Variants in AMZ1 observed in about 807,000 individuals in gnomAD.
AMZ1 encodes archaemetzincin-1.
In AMZ1, 39 loss-of-function variants were observed where a neutral mutation model predicts 29.9. The ratio of observed to expected loss-of-function variants is 1.30; its 90% CI spans 1.01 to 1.70. AMZ1 has a LOEUF of 1.70. Among genes scored for constraint, AMZ1 ranks in the 40% most tolerant of loss-of-function variants. The pLI, the probability that AMZ1 is intolerant of heterozygous loss-of-function variation, is 0.00. For missense variants in AMZ1, 1,041 were observed against 680.6 expected, an observed-to-expected ratio of 1.53 and a Z score of -5.89; for synonymous variants, 458 against 304.0, an observed-to-expected ratio of 1.51 and a Z score of -5.27.
chr7:2,733,327 A>T (rs1425615203), intron 4 of AMZ1: 1 of 761,574 alleles, frequency 1.3e-6, no homozygotes, highest in Non-Finnish European at 2.3e-6. Context: ...TATTCGTGGT[A>T]ATGTGACAGA....
chr7:2,707,440 G>A (rs1013098937), intron 3 of AMZ1, among the ~76,000 whole-genome samples: 6 of 152,056 alleles, frequency 3.9e-5, no homozygotes, highest in South Asian at 2.1e-4. Flanking sequence ...TCCTGGGCCC[G>A]TGGTGGCTGC....
intron 4 of AMZ1, among the ~76,000 whole-genome samples, chr7:2,757,593 G>A (rs1033038155): frequency 2.0e-5 from 3 of 152,336 alleles, no homozygotes; most frequent in African/African-American, 7.2e-5. Context: ...AGCAGAGCAC[G>A]TGGCGAACTC....
intron 1 of AMZ1, among the ~76,000 whole-genome samples, chr7:2,698,516 C>T (rs1039205668): frequency 9.9e-5 from 15 of 151,720 alleles, no homozygotes; most frequent in Non-Finnish European, 1.9e-4. Context: ...CTAGCCTGGG[C>T]GACACAGCAA....
At chr7:2,688,812 G>A (rs1268683148) in intron 1 of AMZ1, among the ~76,000 whole-genome samples, 1 of 152,240 alleles carries the variant, frequency 6.6e-6, no homozygotes, top group African/African-American at 2.4e-5. Context: ...GGAGACTGAG[G>A]GAGAAGGCTG....
At chr7:2,680,258 CA>C (rs1207203260) in intron 1 of AMZ1, among the ~76,000 whole-genome samples, 1 of 152,082 alleles carries the variant, frequency 6.6e-6, no homozygotes, top group African/African-American at 2.4e-5. Context: ...GCGGTCTCAC[CA>C]GGGGGCTGCT....
chr7:2,687,172 C>A (rs528730307), upstream of AMZ1, among the ~76,000 whole-genome samples: 23 of 152,086 alleles, frequency 1.5e-4, no homozygotes, highest in South Asian at 4.4e-3. Context: ...ATTAAAAATA[C>A]AAAAATTAGC....
At position 2,700,962 on chromosome 7, in the gene AMZ1, G is replaced by A. The variant is rs560557432; in HGVS notation, c.304+207G>A. Reference sequence around the variant, plus strand: ...CCCCATCCTGACACGATGCTCAGACGGCCCAGGCTCTGGGACTGGTCCACA... The same window carrying A: ...CCCCATCCTGACACGATGCTCAGACAGCCCAGGCTCTGGGACTGGTCCACA... On this transcript the variant is annotated intron_variant, in intron 2 of 6. Coordinates refer to ENST00000683327, the MANE Select transcript of AMZ1 (RefSeq NM_001384743.1). Among the ~76,000 whole-genome samples, 3 of 152,186 alleles carry A rather than the reference G, an allele frequency of 2.0e-5. No individual in the cohort carries two copies. The East Asian group carries it at 5.8e-4, about 29-fold the overall frequency.
chr7:2,748,870 C>CA (rs1160307077), intron 4 of AMZ1, among the ~76,000 whole-genome samples: 9 of 152,054 alleles, frequency 5.9e-5, no homozygotes, highest in Non-Finnish European at 1.5e-5. Flanking sequence ...AGACACTTCT[C>CA]AAAAAAAGAC....
chr7:2,702,987 TTC>T (rs1250829557), intron 3 of AMZ1, 98 bp downstream of exon 3: 6 of 1,420,070 alleles, frequency 4.2e-6, no homozygotes, highest in Middle Eastern at 2.1e-4. Context: ...GAACCTTTTC[TTC>T]CTTTTTGCTG....
At chr7:2,710,121 G>A (rs893098264) in intron 6 of AMZ1, among the ~76,000 whole-genome samples, 34 of 152,214 alleles carry the variant, frequency 2.2e-4, no homozygotes, top group Admixed American at 4.6e-4. Context: ...CCCAGCCGGC[G>A]GGTGGCACGG....
chr7:2,758,892 C>T (rs938846015), intron 4 of AMZ1, among the ~76,000 whole-genome samples: 26 of 152,234 alleles, frequency 1.7e-4, no homozygotes, highest in Admixed American at 3.9e-4. Flanking sequence ...TGCCTATAAT[C>T]CCAGCGCTCT....
intron 4 of AMZ1, among the ~76,000 whole-genome samples, chr7:2,741,764 G>A (rs563289947): frequency 6.6e-6 from 1 of 151,670 alleles, no homozygotes; most frequent in Non-Finnish European, 1.5e-5. Context: ...CAGAGGGTAT[G>A]TCCTAAGAAT....
chr7:2,708,928 C>T, intron 4 of AMZ1, 147 bp from the exon 5 acceptor site: 1 of 1,275,562 alleles, frequency 7.8e-7, no homozygotes, highest in Non-Finnish European at 1.1e-6. Context: ...CAGGGCCCAA[C>T]TTCATGTGGG....
rs969162664 is a variant in AMZ1 at position 2,709,956 on chromosome 7, G to C, written c.948+140G>C. ...GGGTTCCAGGCAGTGCAGAGCCCTG[G>C]GACCTGCGCTGGGGTTGAGCTCCAT... is the stretch of plus-strand genomic sequence containing the variant. On this transcript the variant is annotated intron_variant, in intron 6 of 6. Coordinates refer to ENST00000683327, the MANE Select transcript of AMZ1 (RefSeq NM_001384743.1). 3 of 1,200,668 alleles carry C rather than the reference G, an allele frequency of 2.5e-6. No individual in the cohort carries two copies. In the African/African-American group the frequency reaches 4.7e-5, roughly 19 times the overall value. 74.4% of individuals were successfully genotyped at this position (1,200,668 alleles called of 1,614,324 possible).
At chr7:2,708,741 G>C (rs1269806646) in intron 4 of AMZ1, 25 bp downstream of exon 4, 3 of 1,611,450 alleles carry the variant, frequency 1.9e-6, no homozygotes, top group Non-Finnish European at 2.5e-6. Flanking sequence ...CAGCAGCTGT[G>C]CGTGGGGGGT....
At chr7:2,754,271 C>T (rs916102319) in intron 4 of AMZ1, among the ~76,000 whole-genome samples, 5 of 152,158 alleles carry the variant, frequency 3.3e-5, no homozygotes, top group Non-Finnish European at 4.4e-5. Flanking sequence ...TATGTGCCAT[C>T]GGCATGTCCT....
chr7:2,722,072 G>A (rs532030448), downstream of AMZ1, among the ~76,000 whole-genome samples: 5 of 152,112 alleles, frequency 3.3e-5, no homozygotes, highest in African/African-American at 9.7e-5. Context: ...AGGCACAGGC[G>A]CTAAAGCCAG....
At chr7:2,696,004 CTTG>C (rs1787695298) in intron 1 of AMZ1, among the ~76,000 whole-genome samples, 1 of 113,000 alleles carries the variant, frequency 8.8e-6, no homozygotes, top group Non-Finnish European at 1.9e-5. Context: ...GCGAAACTGT[CTTG>C]GGGGGGAAAA....
chr7:2,700,221 G>T lies in AMZ1; in HGVS notation c.-218-13G>T. On this transcript the variant is annotated splice_polypyrimidine_tract_variant and intron_variant, in intron 1 of 6. Coordinates refer to ENST00000683327, the MANE Select transcript of AMZ1 (RefSeq NM_001384743.1). ...CTCGGCAGTGAGGGGACCCCTGTTC[G>T]TGTCATCCACAGGGTGCTGTGGGCC... 1 of 578,942 alleles carries T rather than the reference G, an allele frequency of 1.7e-6. No homozygotes were observed. The highest frequency in any genetic ancestry group is 2.2e-5 in the South Asian group (1 of 45,004). The allele number at this position is 578,942 out of a possible 1,614,324, so 35.9% of individuals were successfully genotyped here. A position where few individuals can be genotyped will look rare whatever the true frequency, so the allele number is the denominator to read the frequency against.
Sources: gnomAD v4.1 joint callset for allele counts (sites outside exome capture counted in the v4.1 genomes callset) on GRCh38, gnomAD v4.1.1 for gene constraint, MANE v1.5 for transcripts, NCBI Gene and HGNC (gene_info 2026-07-23, HGNC 2026-07-21) for gene names.